Variants in RIC1 observed in about 807,000 individuals in gnomAD.
RIC1 encodes the protein guanine nucleotide exchange factor subunit RIC1.
RIC1 carries 88 observed loss-of-function variants against 169.0 expected under a neutral mutation model. The observed-to-expected ratio is 0.52, with a 90% CI of 0.44 to 0.62. The LOEUF (loss-of-function observed/expected upper bound fraction) is 0.62, where lower values mean the gene tolerates loss of function less well. Ranked by LOEUF, RIC1 falls within the 20% of genes least tolerant of loss-of-function variation. The probability of loss-of-function intolerance (pLI) is 0.00; values close to 1 mark genes in which losing one functional copy is unlikely to be tolerated. For synonymous variants in RIC1, 790 were observed against 601.5 expected (o/e 1.31, Z -4.59); for missense variants, 1,877 against 1,725.5 (o/e 1.09, Z -1.56).
At chr9:5,656,719 T>C in intron 2 of RIC1, 29 bp downstream of exon 2, 1 of 1,276,118 alleles carries the variant, frequency 7.8e-7, no homozygotes, top group South Asian at 1.3e-5. Context: ...TAAATAGTGT[T>C]TTCTTATGAA....
chr9:5,638,091 C>G (rs1211397402), intron 1 of RIC1, among the ~76,000 whole-genome samples: 1 of 152,138 alleles, frequency 6.6e-6, no homozygotes, highest in East Asian at 1.9e-4. Context: ...TTTTCAGCAT[C>G]AGTTGAAATG....
At chr9:5,670,841 C>T (rs1167740709) in intron 2 of RIC1, among the ~76,000 whole-genome samples, 2 of 152,072 alleles carry the variant, frequency 1.3e-5, no homozygotes, top group Non-Finnish European at 2.9e-5. Context: ...TAGGGTTTTT[C>T]AAGGATAGTT....
chr9:5,760,768 AAAGCAGT>A (rs1240723163), intron 17 of RIC1, among the ~76,000 whole-genome samples: 1 of 152,212 alleles, frequency 6.6e-6, no homozygotes, highest in Admixed American at 6.5e-5. Flanking sequence ...GTAGAATCTG[AAAGCAGT>A]AAGCAAGAGT....
intron 6 of RIC1, among the ~76,000 whole-genome samples, chr9:5,727,839 C>T (rs530387141): frequency 1.1e-4 from 16 of 152,336 alleles, no homozygotes; most frequent in African/African-American, 3.1e-4. Flanking sequence ...GTATCACTAG[C>T]GGAGGCTGCA....
intron 1 of RIC1, among the ~76,000 whole-genome samples, chr9:5,643,085 A>C (rs1818329050): frequency 6.6e-6 from 1 of 152,158 alleles, no homozygotes; most frequent in East Asian, 1.9e-4. Flanking sequence ...GGATCACTTG[A>C]GCCCAGGAGT....
At chr9:5,740,098 T>G (rs994724817) in intron 8 of RIC1, among the ~76,000 whole-genome samples, 5 of 152,208 alleles carry the variant, frequency 3.3e-5, no homozygotes, top group African/African-American at 1.2e-4. Flanking sequence ...TTCATCACCT[T>G]GTTCACTGAA....
intron 1 of RIC1, among the ~76,000 whole-genome samples, chr9:5,647,520 C>T (rs1052826300): frequency 1.3e-5 from 2 of 152,044 alleles, no homozygotes; most frequent in Non-Finnish European, 2.9e-5. Flanking sequence ...AGTCTTTTGC[C>T]TGCTTGGTTA....
At chr9:5,684,349 G>C (rs970923852) in intron 2 of RIC1, among the ~76,000 whole-genome samples, 15 of 131,396 alleles carry the variant, frequency 1.1e-4, no homozygotes, top group African/African-American at 2.1e-4. Context: ...GTTTGATTGG[G>C]ATTACATTGA....
At chr9:5,765,324 C>G in intron 19 of RIC1, 90 bp from the exon 20 acceptor site, 1 of 1,396,040 alleles carries the variant, frequency 7.2e-7, no homozygotes, top group Non-Finnish European at 9.8e-7. Flanking sequence ...TGGCTACATT[C>G]TTTGAGTTTA....
intron 3 of RIC1, among the ~76,000 whole-genome samples, chr9:5,704,422 A>C (rs1268417761): frequency 6.6e-6 from 1 of 151,844 alleles, no homozygotes; most frequent in East Asian, 1.9e-4. Context: ...ACATTGTTCA[A>C]GCTAGTCTCA....
chr9:5,656,254 C>G (rs1819092294), intron 1 of RIC1, among the ~76,000 whole-genome samples: 1 of 152,206 alleles, frequency 6.6e-6, no homozygotes, highest in Admixed American at 6.5e-5. Context: ...ACTCCTGCTT[C>G]TATCTTGTGG....
chr9:5,683,772 C>A (rs944448833), intron 2 of RIC1, among the ~76,000 whole-genome samples: 1 of 152,204 alleles, frequency 6.6e-6, no homozygotes, highest in South Asian at 2.1e-4. Flanking sequence ...GGCGGGCCTC[C>A]TTGAGCTGTG....
intron 1 of RIC1, among the ~76,000 whole-genome samples, chr9:5,637,804 TA>T (rs1473590760): frequency 1.3e-5 from 2 of 152,232 alleles, no homozygotes; most frequent in African/African-American, 4.8e-5. Context: ...ATTTTTTTTG[TA>T]ACTGAATAGT....
chr9:5,743,052 A>T lies in RIC1; in HGVS notation c.1046+39A>T, dbSNP rs753525911. Reference sequence around the variant, plus strand: ...GACAATTTTTAGATAAAATAACTCCATTATTTCTCACAATGCATGCATACA... The same window carrying T: ...GACAATTTTTAGATAAAATAACTCCTTTATTTCTCACAATGCATGCATACA... On this transcript the variant is annotated intron_variant, in intron 9 of 25. Coordinates refer to ENST00000414202, the MANE Select transcript of RIC1 (RefSeq NM_020829.4). 2.5e-6 allele frequency: 4 copies of T among 1,581,968 alleles called. No individual in the cohort carries two copies. The East Asian group carries it at 9.0e-5, about 35-fold the overall frequency.
chr9:5,723,549 G>C (rs1823747643), intron 6 of RIC1, among the ~76,000 whole-genome samples: 1 of 152,186 alleles, frequency 6.6e-6, no homozygotes, highest in East Asian at 1.9e-4. Context: ...CTGTGCAGAA[G>C]CTCTTTAGTT....
At chr9:5,769,690 T>A (rs1449923425) in intron 22 of RIC1, 5 of 250,924 alleles carry the variant, frequency 2.0e-5, no homozygotes, top group Admixed American at 1.5e-4. Flanking sequence ...GAAATAAAAA[T>A]TTAAAGTTTT....
In RIC1 at chr9:5,747,523, G is replaced by C. The variant is rs535571171; in HGVS notation, c.1452+18G>C. ...TTGTACAGGTAAATCTTTAGTTACT[G>C]ATTACTAGAGACTTATTCTTTGATA... On this transcript the variant is annotated intron_variant, in intron 12 of 25. Coordinates refer to ENST00000414202, the MANE Select transcript of RIC1 (RefSeq NM_020829.4). The C allele has an allele frequency of 8.9e-6, 14 of 1,576,120 alleles. No homozygotes were observed. Among genetic ancestry groups the C allele is most frequent in the Middle Eastern group, 1.7e-4 (1 of 5,962 alleles).
At chr9:5,632,548 ATTGGAGCCCCAATATTATATT>A (rs1817767853) in intron 1 of RIC1, among the ~76,000 whole-genome samples, 1 of 152,152 alleles carries the variant, frequency 6.6e-6, no homozygotes, top group Non-Finnish European at 1.5e-5. Context: ...GCTTTTTTAT[ATTGGAGCCCCAATATTATATT>A]TTGGAGCCCC....
chr9:5,671,126 A>G (rs28529374), intron 2 of RIC1, among the ~76,000 whole-genome samples: 4,314 of 152,234 alleles, frequency 0.028, 218 homozygotes, highest in African/African-American at 0.097. Flanking sequence ...AATTGTTTAC[A>G]TTTACACTTT....
Sources: allele counts gnomAD v4.1 joint callset (sites outside exome capture counted in the v4.1 genomes callset), GRCh38; gene constraint gnomAD v4.1.1; transcripts MANE v1.5; gene names NCBI Gene and HGNC (gene_info 2026-07-23, HGNC 2026-07-21).